ZFP1: variants seen among roughly 807,000 people sequenced by gnomAD.
The protein encoded by ZFP1 is zinc finger protein 1 homolog.
Under a neutral mutation model 38.5 loss-of-function variants are expected in ZFP1, and 32 were observed. The observed-to-expected ratio is 0.83, with a 90% CI of 0.63 to 1.12. ZFP1 has a LOEUF of 1.12. Ranked by LOEUF, ZFP1 falls within the 50% of genes most tolerant of loss-of-function variation. The pLI is 0.00. For missense variants in ZFP1, 616 were observed against 480.8 expected (o/e 1.28, Z -2.63); for synonymous variants, 245 against 168.8 (o/e 1.45, Z -3.50).
At chr16:75,164,124 T>C (rs1050451653) in intron 2 of ZFP1, among the ~76,000 whole-genome samples, 1 of 152,256 alleles carries the variant, frequency 6.6e-6, no homozygotes, top group African/African-American at 2.4e-5. Flanking sequence ...TTCCTGTGCC[T>C]TTTGTTTTCA....
At chr16:75,153,810 T>C (rs1053868766) in intron 2 of ZFP1, among the ~76,000 whole-genome samples, 4 of 152,128 alleles carry the variant, frequency 2.6e-5, no homozygotes, top group African/African-American at 9.7e-5. Context: ...ACAGAATAGG[T>C]TCACTGCCCT....
At chr16:75,159,955 C>T (rs996725980) in intron 2 of ZFP1, among the ~76,000 whole-genome samples, 6 of 152,128 alleles carry the variant, frequency 3.9e-5, no homozygotes, top group Non-Finnish European at 1.5e-5. Flanking sequence ...CAACTGTTTG[C>T]CAGTATCTCT....
chr16:75,151,301 A>G (rs2037193243), intron 1 of ZFP1, among the ~76,000 whole-genome samples: 1 of 151,440 alleles, frequency 6.6e-6, no homozygotes, highest in South Asian at 2.1e-4. Flanking sequence ...TACTTTTTTT[A>G]TATAATTTGA....
the ZFP1 span, among the ~76,000 whole-genome samples, chr16:75,141,448 G>A: frequency 4.0e-5 from 6 of 151,618 alleles, no homozygotes; most frequent in African/African-American, 9.7e-5. Context: ...CTTGTGATCC[G>A]CCCGCCTCGG....
chr16:75,132,001 T>C, the ZFP1 span, among the ~76,000 whole-genome samples: 1 of 151,942 alleles, frequency 6.6e-6, no homozygotes, highest in South Asian at 2.1e-4. Flanking sequence ...GTTTTACAGT[T>C]GGTTAGTTCA....
the ZFP1 span, among the ~76,000 whole-genome samples, chr16:75,132,983 C>CA: frequency 2.1e-5 from 3 of 140,232 alleles, no homozygotes; most frequent in Non-Finnish European, 3.1e-5. Context: ...GATTTTTTAA[C>CA]TTTTTTTTTT....
At chr16:75,120,633 A>T in the ZFP1 span, among the ~76,000 whole-genome samples, 1 of 147,382 alleles carries the variant, frequency 6.8e-6, no homozygotes, top group Non-Finnish European at 1.5e-5. Context: ...TCTGAGTTTC[A>T]CTCTGTCGCC....
intron 2 of ZFP1, among the ~76,000 whole-genome samples, chr16:75,153,584 A>G (rs1221438925): frequency 6.6e-6 from 1 of 152,182 alleles, no homozygotes; most frequent in Non-Finnish European, 1.5e-5. Context: ...GAAAAATTGA[A>G]TGGGGAATGC....
intron 1 of ZFP1, among the ~76,000 whole-genome samples, chr16:75,149,677 G>A (rs2145489852): frequency 6.7e-6 from 1 of 149,074 alleles, no homozygotes. Context: ...CTCTGCCTCA[G>A]CCTCCCGAGT....
the ZFP1 span, among the ~76,000 whole-genome samples, chr16:75,135,952 A>T: frequency 2.0e-4 from 31 of 152,274 alleles, no homozygotes; most frequent in Non-Finnish European, 2.1e-4. Flanking sequence ...AGTAACTGGG[A>T]TTACAGGCAC....
the ZFP1 span, chr16:75,132,500 T>G: frequency 6.6e-6 from 1 of 152,164 alleles, no homozygotes; most frequent in Non-Finnish European, 1.5e-5. Flanking sequence ...TATGAACTAT[T>G]ATATCTAGGT....
At chr16:75,143,020 C>G in the ZFP1 span, among the ~76,000 whole-genome samples, 11 of 151,866 alleles carry the variant, frequency 7.2e-5, no homozygotes. Flanking sequence ...AAACATTTTA[C>G]ATTTAGAGAT....
Position 75,161,774 on chromosome 16 carries a change from A to ATT in ZFP1, c.16-4971_16-4970dup, listed in dbSNP as rs200925992. On this transcript the variant is annotated intron_variant, in intron 2 of 3. Coordinates refer to ENST00000570010, the MANE Select transcript of ZFP1 (RefSeq NM_153688.4). ...TTTTATGAAATATATATATATATATATTTTTTTTTTTTTTTTTTTTTTTTT... is the reference window on the plus strand; with the variant it reads ...TTTTATGAAATATATATATATATATATTTTTTTTTTTTTTTTTTTTTTTTTTT... Among the ~76,000 whole-genome samples, 21 of 7,822 alleles carry ATT rather than the reference A, an allele frequency of 2.7e-3. 4 individuals carry two copies. The highest frequency in any genetic ancestry group is 0.011 in the South Asian group (2 of 184). The allele number at this position is 7,822 out of a possible 152,430, so 5.1% of individuals were successfully genotyped here.
the ZFP1 span, among the ~76,000 whole-genome samples, chr16:75,136,409 T>C: frequency 6.6e-6 from 1 of 152,170 alleles, no homozygotes; most frequent in Non-Finnish European, 1.5e-5. Flanking sequence ...CAATAGTCAA[T>C]AGTTGGTGAA....
rs779330114 is a variant in ZFP1, at chr16:75,166,893, G to A, written c.139G>A (p.Val47Met). 6.2e-7 allele frequency: 1 copy of A among 1,613,620 alleles called. No individual in the cohort carries two copies. Among genetic ancestry groups the A allele is most frequent in the Admixed American group, 1.7e-5 (1 of 59,984 alleles). ...MLENYSNLLS[V>M]EVWKADDQME... ...GGAGAATTATAGCAACTTACTTTCA[G>A]TGGGTAAGGACGGTTTTCAGGTACA... is the stretch of plus-strand genomic sequence containing the variant. Residue 47 changes from valine to methionine, a missense_variant, in exon 3 of 4, where the codon GTG (valine) becomes ATG (methionine). Physicochemically the swap from Val to Met is conservative, Grantham distance 21. Coordinates refer to ENST00000570010, the MANE Select transcript of ZFP1 (RefSeq NM_153688.4).
chr16:75,138,024 CTTTTTTTTTTTTTTTTTT>C, the ZFP1 span, among the ~76,000 whole-genome samples: 6 of 64,936 alleles, frequency 9.2e-5, no homozygotes, highest in Admixed American at 4.8e-4. Flanking sequence ...CTCCCACTTC[CTTTTTTTTTTTTTTTTTT>C]TTTTTTTTTT....
chr16:75,140,774 G>A, the ZFP1 span, among the ~76,000 whole-genome samples: 14,948 of 152,132 alleles, frequency 0.098, 1,410 homozygotes, highest in African/African-American at 0.23. Flanking sequence ...CCTGGCTAAC[G>A]CGGTGAAACC....
At chr16:75,135,055 A>C in the ZFP1 span, among the ~76,000 whole-genome samples, 1 of 95,208 alleles carries the variant, frequency 1.1e-5, no homozygotes, top group African/African-American at 5.7e-5. Flanking sequence ...ACTCCATCTC[A>C]AAAAAAAAAC....
At chr16:75,127,527 G>A in the ZFP1 span, among the ~76,000 whole-genome samples, 1 of 152,108 alleles carries the variant, frequency 6.6e-6, no homozygotes, top group Admixed American at 6.5e-5. Flanking sequence ...CGCCATGTTG[G>A]CCAGGCTGGT....
Sources: allele counts gnomAD v4.1 joint callset (sites outside exome capture counted in the v4.1 genomes callset), GRCh38; gene constraint gnomAD v4.1.1; transcripts MANE v1.5; gene names NCBI Gene and HGNC (gene_info 2026-07-23, HGNC 2026-07-21).